Variants in PDE8B observed in about 807,000 individuals in gnomAD.
PDE8B encodes the protein high affinity cAMP-specific and IBMX-insensitive 3',5'-cyclic phosphodiesterase 8B.
Under a neutral mutation model 101.3 loss-of-function variants are expected in PDE8B, and 26 were observed. That is an observed-to-expected ratio of 0.26 (90% CI 0.19 to 0.36). The LOEUF (loss-of-function observed/expected upper bound fraction) is 0.36. PDE8B is among the 10% of genes least tolerant of loss of function. The pLI is 1.00. For synonymous variants in PDE8B, 424 were observed against 429.3 expected, an observed-to-expected ratio of 0.99 and a Z score of 0.15; for missense variants, 810 against 1,163.1, an observed-to-expected ratio of 0.70 and a Z score of 4.42.
At chr5:77,357,063 A>G (rs1458574911) in intron 10 of PDE8B, among the ~76,000 whole-genome samples, 1 of 152,220 alleles carries the variant, frequency 6.6e-6, no homozygotes, top group Non-Finnish European at 1.5e-5. Context: ...GCAAACCTAT[A>G]GAGAATGTCT....
intron 20 of PDE8B, among the ~76,000 whole-genome samples, chr5:77,424,822 T>TTG (rs1172611830): frequency 1.4e-4 from 15 of 108,814 alleles, no homozygotes; most frequent in Admixed American, 6.6e-4. Context: ...TTTTTTTGTT[T>TTG]TTTGTTTTTT....
At chr5:77,189,927 A>G in the PDE8B span, among the ~76,000 whole-genome samples, 3 of 152,210 alleles carry the variant, frequency 2.0e-5, no homozygotes, top group Admixed American at 6.5e-5. Context: ...ATGGCAAAAA[A>G]TGGTCAGATT....
At chr5:77,223,183 A>T (rs1249234732) in intron 1 of PDE8B, among the ~76,000 whole-genome samples, 1 of 152,148 alleles carries the variant, frequency 6.6e-6, no homozygotes, top group Non-Finnish European at 1.5e-5. Flanking sequence ...TTATTTTGAC[A>T]TGTACTCAAT....
chr5:77,276,630 T>A (rs1198183711), intron 1 of PDE8B, among the ~76,000 whole-genome samples: 5 of 152,216 alleles, frequency 3.3e-5, no homozygotes, highest in African/African-American at 1.2e-4. Context: ...GTCTAATGTG[T>A]CTAACTCACA....
At chr5:77,129,409 T>A in the PDE8B span, among the ~76,000 whole-genome samples, 1 of 152,158 alleles carries the variant, frequency 6.6e-6, no homozygotes, top group East Asian at 1.9e-4. Context: ...TAAGCATACT[T>A]TGCAGGTAGC....
intron 19 of PDE8B, 89 bp from the exon 20 acceptor site, chr5:77,421,732 G>C: frequency 4.8e-6 from 6 of 1,260,618 alleles, no homozygotes; most frequent in Non-Finnish European, 6.9e-6. Context: ...CTGTGTGCTC[G>C]GTGATCACCA....
chr5:77,217,037 C>T (rs1160181296), intron 1 of PDE8B, among the ~76,000 whole-genome samples: 1 of 152,204 alleles, frequency 6.6e-6, no homozygotes, highest in African/African-American at 2.4e-5. Context: ...ACTTAATTCA[C>T]TGTTTACAGT....
chr5:77,247,596 G>C (rs1287005313), intron 1 of PDE8B, among the ~76,000 whole-genome samples: 1 of 151,972 alleles, frequency 6.6e-6, no homozygotes, highest in Non-Finnish European at 1.5e-5. Context: ...GCCAGGCCTC[G>C]GGCTGGGGCT....
chr5:77,180,558 C>A, the PDE8B span: 21 of 895,668 alleles, frequency 2.3e-5, no homozygotes, highest in South Asian at 1.0e-4. Context: ...GCCGCTGGCA[C>A]AAGCCCAGAG....
chr5:77,214,429 G>T (rs765710847), intron 1 of PDE8B, among the ~76,000 whole-genome samples: 34 of 152,136 alleles, frequency 2.2e-4, no homozygotes, highest in Admixed American at 3.9e-4. Flanking sequence ...TTCAGTATTT[G>T]TGGCCAGACT....
the PDE8B span, among the ~76,000 whole-genome samples, chr5:77,201,532 G>A: frequency 6.6e-6 from 1 of 152,114 alleles, no homozygotes; most frequent in African/African-American, 2.4e-5. Flanking sequence ...TCAAGATTCT[G>A]GGTCCCAGAA....
chr5:77,402,347 TAATA>T (rs1358297123), intron 11 of PDE8B, among the ~76,000 whole-genome samples: 7 of 152,144 alleles, frequency 4.6e-5, no homozygotes, highest in East Asian at 3.8e-4. Context: ...AGAGATAGTA[TAATA>T]AATATTTTAA....
intron 10 of PDE8B, among the ~76,000 whole-genome samples, chr5:77,398,043 G>A (rs1791444232): frequency 6.6e-6 from 1 of 152,104 alleles, no homozygotes; most frequent in Admixed American, 6.5e-5. Context: ...CCTAAAAGAG[G>A]AGTCTTTGAT....
chr5:77,304,631 T>A (rs1036666908), intron 1 of PDE8B, among the ~76,000 whole-genome samples: 2 of 152,208 alleles, frequency 1.3e-5, no homozygotes, highest in African/African-American at 4.8e-5. Context: ...AACATCATGC[T>A]GCCAAATTAA....
In PDE8B at chr5:77,421,807, CA is replaced by C; in HGVS notation, c.2251-13del. Reference sequence around the variant, plus strand: ...CATCTTGAACCAAGCCTGATCTGACCATCTGTTTTCCAGATTGAAGGCAGCG... The same window carrying C: ...CATCTTGAACCAAGCCTGATCTGACCTCTGTTTTCCAGATTGAAGGCAGCG... On this transcript the variant is annotated splice_polypyrimidine_tract_variant and intron_variant, in intron 19 of 21. Transcript: ENST00000264917. 1 of 1,613,446 alleles carries C rather than the reference CA, an allele frequency of 6.2e-7. No individual in the cohort carries two copies. Among genetic ancestry groups the C allele is most frequent in the African/African-American group, 1.3e-5 (1 of 75,044 alleles).
chr5:77,277,397 C>T (rs1764064006), intron 1 of PDE8B, among the ~76,000 whole-genome samples: 1 of 152,170 alleles, frequency 6.6e-6, no homozygotes, highest in African/African-American at 2.4e-5. Context: ...TTTCTGGGTT[C>T]TGTGTTTGTG....
Position 77,408,860 on chromosome 5 carries a change from A to G in PDE8B, c.1366-33A>G, listed in dbSNP as rs777446573. 1.9e-6 allele frequency: 3 copies of G among 1,572,498 alleles called. No homozygotes were observed. The South Asian group carries it at 3.3e-5, about 17-fold the overall frequency. On this transcript the variant is annotated intron_variant, in intron 13 of 21. Transcript: ENST00000264917. Reference sequence around the variant, plus strand: ...GACTTTTGGGAAGTAGAACCCTATTATCCTCAGATGTATTCTTTCTTCACT... The same window carrying G: ...GACTTTTGGGAAGTAGAACCCTATTGTCCTCAGATGTATTCTTTCTTCACT...
intron 10 of PDE8B, among the ~76,000 whole-genome samples, chr5:77,368,651 A>G (rs531578256): frequency 6.2e-4 from 95 of 152,306 alleles, no homozygotes; most frequent in Non-Finnish European, 1.2e-3. Context: ...TCTTTCCCCA[A>G]GGGCCTTACA....
intron 1 of PDE8B, among the ~76,000 whole-genome samples, chr5:77,224,002 A>G (rs906002362): frequency 2.6e-5 from 4 of 152,088 alleles, no homozygotes; most frequent in Admixed American, 6.5e-5. Flanking sequence ...ACCTTCTAAC[A>G]CCTTTGTAAA....
Sources: gnomAD v4.1 joint callset for allele counts (sites outside exome capture counted in the v4.1 genomes callset) on GRCh38, gnomAD v4.1.1 for gene constraint, MANE v1.5 for transcripts, NCBI Gene and HGNC (gene_info 2026-07-23, HGNC 2026-07-21) for gene names.